PRKN: variants seen among roughly 807,000 people sequenced by gnomAD.
PRKN encodes parkin RBR E3 ubiquitin protein ligase, also known as E3 ubiquitin-protein ligase parkin.
PRKN carries 56 observed loss-of-function variants against 59.5 expected under a neutral mutation model. The observed-to-expected ratio is 0.94, with a 90% CI of 0.76 to 1.18. The LOEUF is 1.18. PRKN is among the 50% of genes most tolerant of loss of function. The pLI is 0.00. For missense variants in PRKN, 657 were observed against 596.4 expected, an observed-to-expected ratio of 1.10 and a Z score of -1.06; for synonymous variants, 250 against 222.1, an observed-to-expected ratio of 1.13 and a Z score of -1.12.
At chr6:161,849,110 T>C (rs1428748594) in intron 6 of PRKN, among the ~76,000 whole-genome samples, 2 of 152,208 alleles carry the variant, frequency 1.3e-5, no homozygotes, top group Admixed American at 1.3e-4. Flanking sequence ...TTACTTGGCA[T>C]ACTGCTCGTT....
Position 162,679,873 on chromosome 6 carries a change from C to A in PRKN, c.7+47789G>T, listed in dbSNP as rs190540705. 2.6e-5 allele frequency among the ~76,000 whole-genome samples: 4 copies of A among 152,218 alleles called. No individual in the cohort carries two copies. In the East Asian group the frequency reaches 7.7e-4, roughly 29 times the overall value. ...AATGAAGATTATGAGGAAGAACAGG[C>A]CAGTGAGGTCAGAGTCATGGGTTAA... On this transcript the variant is annotated intron_variant, in intron 1 of 11. Transcript: ENST00000366898.
chr6:162,222,395 C>T (rs957374), intron 3 of PRKN, among the ~76,000 whole-genome samples: 74,252 of 151,942 alleles, frequency 0.49, 21,180 homozygotes, highest in East Asian at 0.86. Flanking sequence ...AACGAAGATA[C>T]GGAGATAGAG....
At chr6:161,895,306 G>A (rs1314637704) in intron 6 of PRKN, among the ~76,000 whole-genome samples, 1 of 152,114 alleles carries the variant, frequency 6.6e-6, no homozygotes, top group Non-Finnish European at 1.5e-5. Flanking sequence ...AGACCTGAAC[G>A]ATTGGCATAA....
At chr6:162,440,807 T>C (rs745742389) in intron 2 of PRKN, among the ~76,000 whole-genome samples, 80 of 152,162 alleles carry the variant, frequency 5.3e-4, no homozygotes, top group Middle Eastern at 3.4e-3. Context: ...GTGCTTATAC[T>C]GTGAAATATA....
At chr6:162,150,450 G>A (rs1005601109) in intron 4 of PRKN, among the ~76,000 whole-genome samples, 3 of 152,134 alleles carry the variant, frequency 2.0e-5, no homozygotes, top group Non-Finnish European at 4.4e-5. Flanking sequence ...CTTTGTTACC[G>A]CAGGGCTGCT....
At chr6:161,583,917 G>A (rs1767163974) in intron 7 of PRKN, among the ~76,000 whole-genome samples, 1 of 152,096 alleles carries the variant, frequency 6.6e-6, no homozygotes, top group South Asian at 2.1e-4. Context: ...GCATTAAATT[G>A]GACACACTCC....
At chr6:162,169,695 A>G (rs1241069511) in intron 4 of PRKN, among the ~76,000 whole-genome samples, 4 of 152,214 alleles carry the variant, frequency 2.6e-5, no homozygotes, top group East Asian at 3.8e-4. Flanking sequence ...ATTAGCCTTA[A>G]GGCATGTGCC....
In PRKN at chr6:161,386,357, G is replaced by T. The variant is rs1583004381; in HGVS notation, c.1167+437C>A. On this transcript the variant is annotated intron_variant, in intron 10 of 11. Coordinates refer to ENST00000366898, the MANE Select transcript of PRKN (RefSeq NM_004562.3). The surrounding 1 kb of genome is among the most constrained non-coding windows in gnomAD (Gnocchi z 4.3). ...AGCATAGGGCATGATGCTGCTAAAG[G>T]ACAATGATATCCTTACATAATGTCA... Among the ~76,000 whole-genome samples the T allele has an allele frequency of 6.6e-6, 1 of 152,288 alleles. No homozygotes were observed. Among genetic ancestry groups the T allele is most frequent in the East Asian group, 1.9e-4 (1 of 5,178 alleles).
At chr6:162,155,901 C>A (rs1427126902) in intron 4 of PRKN, among the ~76,000 whole-genome samples, 2 of 151,752 alleles carry the variant, frequency 1.3e-5, no homozygotes, top group Admixed American at 6.6e-5. Context: ...CAATAAGATG[C>A]ATAGAATAAG....
intron 2 of PRKN, among the ~76,000 whole-genome samples, chr6:162,442,253 T>C (rs879642261): frequency 6.6e-6 from 1 of 152,146 alleles, no homozygotes; most frequent in African/African-American, 2.4e-5. Context: ...AGGATGCAGA[T>C]ACAAGGACGG....
intron 5 of PRKN, among the ~76,000 whole-genome samples, chr6:162,046,373 G>C (rs1402512672): frequency 2.0e-5 from 3 of 152,220 alleles, no homozygotes; most frequent in Non-Finnish European, 4.4e-5. Context: ...CTATAGAACA[G>C]AAGATCGCAG....
chr6:162,622,995 A>C (rs1263606632), intron 1 of PRKN, among the ~76,000 whole-genome samples: 1 of 152,230 alleles, frequency 6.6e-6, no homozygotes, highest in African/African-American at 2.4e-5. Context: ...CAGAAAACAA[A>C]AACAAACAAA....
chr6:162,320,623 G>T (rs1041325269), intron 2 of PRKN, among the ~76,000 whole-genome samples: 2 of 151,628 alleles, frequency 1.3e-5, no homozygotes, highest in African/African-American at 4.8e-5. Flanking sequence ...ATATTGTGCT[G>T]CTAATTGGGA....
chr6:162,239,104 T>C (rs1562605294), intron 3 of PRKN, among the ~76,000 whole-genome samples: 1 of 152,158 alleles, frequency 6.6e-6, no homozygotes, highest in Non-Finnish European at 1.5e-5. Flanking sequence ...TGTAATATTT[T>C]AGATAAATCA....
At chr6:161,844,327 G>A (rs768242526) in intron 6 of PRKN, among the ~76,000 whole-genome samples, 52 of 152,306 alleles carry the variant, frequency 3.4e-4, no homozygotes, top group South Asian at 2.1e-4. Flanking sequence ...TGCAGAATGG[G>A]AGTAGAATAG....
chr6:162,558,143 G>A (rs1426099426), intron 1 of PRKN, among the ~76,000 whole-genome samples: 1 of 151,484 alleles, frequency 6.6e-6, no homozygotes, highest in Non-Finnish European at 1.5e-5. Flanking sequence ...GTGATTTGAT[G>A]ATAAAAAAAA....
At chr6:162,609,202 A>G (rs1782040342) in intron 1 of PRKN, among the ~76,000 whole-genome samples, 10 of 152,180 alleles carry the variant, frequency 6.6e-5, no homozygotes, top group Non-Finnish European at 1.5e-5. Context: ...AGGGTCATGC[A>G]TTTAGGAAAG....
At chr6:162,537,415 T>G (rs916262465) in intron 1 of PRKN, among the ~76,000 whole-genome samples, 1 of 152,152 alleles carries the variant, frequency 6.6e-6, no homozygotes. Flanking sequence ...GCATCACCTA[T>G]ATTTTATGCC....
At chr6:161,898,171 C>A (rs556017832) in intron 6 of PRKN, among the ~76,000 whole-genome samples, 1 of 151,680 alleles carries the variant, frequency 6.6e-6, no homozygotes, top group South Asian at 2.1e-4. Context: ...TTGTATTTGC[C>A]AATTTTCCAG....
Sources: allele counts gnomAD v4.1 joint callset (sites outside exome capture counted in the v4.1 genomes callset), GRCh38; gene constraint gnomAD v4.1.1; non-coding constraint Gnocchi (gnomAD v3.1); transcripts MANE v1.5; gene names NCBI Gene and HGNC (gene_info 2026-07-23, HGNC 2026-07-21).